Variants in BRIP1 observed in about 807,000 individuals in gnomAD.
BRIP1 encodes Fanconi anemia group J protein.
A neutral mutation model predicts 119.7 loss-of-function variants in BRIP1; 88 were observed. That is an observed-to-expected ratio of 0.74 (90% confidence interval 0.62 to 0.88). The LOEUF is 0.88. Among genes scored for constraint, BRIP1 ranks in the 40% least tolerant of loss-of-function variants. BRIP1 has a pLI of 0.00. For missense variants in BRIP1, 1,259 were observed against 1,455.4 expected (o/e 0.87, Z 2.20); for synonymous variants, 443 against 496.5 (o/e 0.89, Z 1.43).
rs987248736 is a variant in BRIP1 at position 61,828,252 on chromosome 17, T to C, written c.627+18849A>G. 4.6e-5 allele frequency among the ~76,000 whole-genome samples: 7 copies of C among 152,198 alleles called. No homozygotes were observed. The highest frequency in any genetic ancestry group is 1.0e-4 in the Non-Finnish European group (7 of 68,040). On this transcript the variant is annotated intron_variant, in intron 6 of 19. Coordinates refer to ENST00000259008, the MANE Select transcript of BRIP1 (RefSeq NM_032043.3). The surrounding 1 kb of genome is among the most constrained non-coding windows in gnomAD (Gnocchi z 4.1). ...AAAGAAATAAAATTCTGACACATAC[T>C]ACATGGTGGATGACCTTGAAAACAT... is the stretch of plus-strand genomic sequence containing the variant.
At chr17:61,779,859 A>G (rs2077587549) in intron 13 of BRIP1, among the ~76,000 whole-genome samples, 1 of 151,704 alleles carries the variant, frequency 6.6e-6, no homozygotes, top group Non-Finnish European at 1.5e-5. Flanking sequence ...GAGAGGCTGA[A>G]GCAGGAGAAT....
rs2077417879 is a variant in BRIP1 at position 61,769,510 on chromosome 17, AC to A, written c.2097+6890del. ...GTACTATGTGAGAATTGACAACGGT[AC>A]TGACAAAAGATTATAATAATGTGCT... On this transcript the variant is annotated intron_variant, in intron 14 of 19. Coordinates refer to ENST00000259008, the MANE Select transcript of BRIP1 (RefSeq NM_032043.3). The surrounding 1 kb of genome is among the most constrained non-coding windows in gnomAD (Gnocchi z 4.9). 6.6e-6 allele frequency among the ~76,000 whole-genome samples: 1 copy of A among 152,186 alleles called. No individual in the cohort carries two copies. The highest frequency in any genetic ancestry group is 1.5e-5 in the Non-Finnish European group (1 of 68,032).
In BRIP1 at chr17:61,745,325, A is replaced by G. The variant is rs989625314; in HGVS notation, c.2098-734T>C. Among the ~76,000 whole-genome samples the G allele has an allele frequency of 6.6e-6, 1 of 152,220 alleles. No individual in the cohort carries two copies. Among genetic ancestry groups the G allele is most frequent in the East Asian group, 1.9e-4 (1 of 5,202 alleles). ...ATGGTAGATTAAAAGTCAATAATAT[A>G]AAGTCATGGTAGATTAAAAGTCAAG... On this transcript the variant is annotated intron_variant, in intron 14 of 19. Coordinates refer to ENST00000259008, the MANE Select transcript of BRIP1 (RefSeq NM_032043.3). This position sits in a 1 kb window ranked among gnomAD's most constrained non-coding sequence, Gnocchi z 4.4.
chr17:61,763,154 T>C (rs1456164746), intron 14 of BRIP1, among the ~76,000 whole-genome samples: 3 of 152,176 alleles, frequency 2.0e-5, no homozygotes, highest in Admixed American at 2.0e-4. Flanking sequence ...ATAAGTGTAA[T>C]AGTGTATTTG....
At chr17:61,850,819 T>A (rs2078809862) in intron 4 of BRIP1, among the ~76,000 whole-genome samples, 1 of 150,682 alleles carries the variant, frequency 6.6e-6, no homozygotes, top group Non-Finnish European at 1.5e-5. Context: ...AGAACAAGAC[T>A]CTATGTCTCC....
rs876658510 is a variant in BRIP1, at chr17:61,780,841, A to G, written c.1793T>C (p.Val598Ala). The G allele has an allele frequency of 6.2e-7, 1 of 1,614,008 alleles. No homozygotes were observed. The highest frequency in any genetic ancestry group is 8.5e-7 in the Non-Finnish European group (1 of 1,179,842). Reference protein sequence around the residue: ...VLNFWCLNPAVAFSDINGKVQ... With the variant: ...VLNFWCLNPAAAFSDINGKVQ... ...TTTCCATTTACATGATGAGCTTACC[A>G]CAGCTGGATTTAAGCACCAAAAGTT... Residue 598 changes from valine (V) to alanine (A), a missense_variant and splice_region_variant, in exon 12 of 20, where the codon GTG becomes GCG. Physicochemically the swap from Val to Ala is moderately conservative, Grantham distance 64. This residue lies in a region of BRIP1 where 753 missense variants were observed against 891.8 expected (regional missense o/e 0.84). Coordinates refer to ENST00000259008, the MANE Select transcript of BRIP1 (RefSeq NM_032043.3). The surrounding 1 kb of genome is among the most constrained non-coding windows in gnomAD (Gnocchi z 5.4).
rs148525255 is a variant in BRIP1, at chr17:61,776,297, C to T, written c.2097+104G>A. On this transcript the variant is annotated intron_variant, in intron 14 of 19. Coordinates refer to ENST00000259008, the MANE Select transcript of BRIP1 (RefSeq NM_032043.3). The surrounding 1 kb of genome is among the most constrained non-coding windows in gnomAD (Gnocchi z 5.0). ...AAAACTATAGTTATTACCTTGTTGC[C>T]TCTACCCTAGGAAGCTTACTGTGGT... 8.1e-4 allele frequency: 1,049 copies of T among 1,301,780 alleles called. 4 individuals are homozygous for T. The Middle Eastern group carries it at 0.012, about 15-fold the overall frequency. The allele number at this position is 1,301,780 out of a possible 1,614,324, so 80.6% of individuals were successfully genotyped here.
At position 61,804,440 on chromosome 17, in the gene BRIP1, GTGTGTGTA is replaced by G. The variant is rs1225986041; in HGVS notation, c.919-2974_919-2967del. Among the ~76,000 whole-genome samples the G allele has an allele frequency of 7.9e-6, 1 of 127,198 alleles. No individual in the cohort carries two copies. The highest frequency in any genetic ancestry group is 3.3e-5 in the African/African-American group (1 of 30,132). 83.4% of individuals were successfully genotyped at this position (127,198 alleles called of 152,430 possible). On this transcript the variant is annotated intron_variant, in intron 7 of 19. Coordinates refer to ENST00000259008, the MANE Select transcript of BRIP1 (RefSeq NM_032043.3). This position sits in a 1 kb window ranked among gnomAD's most constrained non-coding sequence, Gnocchi z 4.5. ...TGTGTGTGTGTGTGTGTGTGTGTGT[GTGTGTGTA>G]TGTGTGTGTACATACACATACATAT...
At chr17:61,855,270 C>T (rs1381756395) in intron 4 of BRIP1, among the ~76,000 whole-genome samples, 2 of 152,080 alleles carry the variant, frequency 1.3e-5, no homozygotes, top group African/African-American at 4.8e-5. Flanking sequence ...GTACATATGT[C>T]AAAATGTATC....
intron 16 of BRIP1, among the ~76,000 whole-genome samples, chr17:61,737,070 A>T: frequency 6.6e-6 from 1 of 152,292 alleles, no homozygotes; most frequent in Middle Eastern, 3.4e-3. Flanking sequence ...AATACTAAAA[A>T]CCAAAAAATA....
Position 61,683,957 on chromosome 17 carries a change from G to C in BRIP1, c.3089C>G (p.Ala1030Gly), listed in dbSNP as rs767255426. The part of the protein sequence containing the change: ...TPELGSSENS[A>G]SSPPRFKTEK... ...TGTTTTGAAACGGGGAGGACTAGAG[G>C]CACTATTCTCTGATGACCCGAGCTC... The change falls in exon 20 of 20, where the codon GCC becomes GGC. Residue 1030 changes from alanine (A) to glycine (G), a missense_variant. This residue lies in a region of BRIP1 where 753 missense variants were observed against 891.8 expected (regional missense o/e 0.84). Transcript: ENST00000259008. The surrounding 1 kb of genome is among the most constrained non-coding windows in gnomAD (Gnocchi z 4.7). 6.2e-7 allele frequency: 1 copy of C among 1,614,102 alleles called. No individual in the cohort carries two copies. Among genetic ancestry groups the C allele is most frequent in the East Asian group, 2.2e-5 (1 of 44,878 alleles).
chr17:61,731,927 G>A (rs988788734), intron 16 of BRIP1, among the ~76,000 whole-genome samples: 3 of 145,504 alleles, frequency 2.1e-5, no homozygotes, highest in African/African-American at 7.6e-5. Context: ...AAAAAAAAAG[G>A]TTGCTTTATT....
At position 61,787,913 on chromosome 17, in the gene BRIP1, G is replaced by A. The variant is rs371593181; in HGVS notation, c.1474-3489C>T. Among the ~76,000 whole-genome samples, 11 of 152,238 alleles carry A rather than the reference G, an allele frequency of 7.2e-5. No individual in the cohort carries two copies. In the South Asian group the frequency reaches 1.0e-3, roughly 14 times the overall value. ...CCCGCCTCGGCCTCCCAAAGTGCTG[G>A]GATTACAGGCGTGAGCCACTGCGCC... On this transcript the variant is annotated intron_variant, in intron 10 of 19. Transcript: ENST00000259008.
At chr17:61,727,130 A>G (rs768019060) in intron 16 of BRIP1, among the ~76,000 whole-genome samples, 74 of 152,224 alleles carry the variant, frequency 4.9e-4, no homozygotes, top group Non-Finnish European at 8.8e-4. Flanking sequence ...TCTACCTTAT[A>G]TAACACTGGA....
rs1305838969 is a variant in BRIP1, at chr17:61,710,556, G to A, written c.2492+5395C>T. Among the ~76,000 whole-genome samples the A allele has an allele frequency of 3.3e-5, 5 of 152,144 alleles. No individual in the cohort carries two copies. Among genetic ancestry groups the A allele is most frequent in the East Asian group, 1.9e-4 (1 of 5,196 alleles). Reference sequence around the variant, plus strand: ...GTTTTGATTGCTAAATTTGCCAAACGAATTGTATGATAACTTATAAGCCAA... The same window carrying A: ...GTTTTGATTGCTAAATTTGCCAAACAAATTGTATGATAACTTATAAGCCAA... On this transcript the variant is annotated intron_variant, in intron 17 of 19. Coordinates refer to ENST00000259008, the MANE Select transcript of BRIP1 (RefSeq NM_032043.3). The surrounding 1 kb of genome is among the most constrained non-coding windows in gnomAD (Gnocchi z 5.4).
chr17:61,848,716 T>C lies in BRIP1; in HGVS notation c.507+413A>G, dbSNP rs1360847771. ...ATCTTAAAAACTCAGTAAGAATACA[T>C]CTTGTCATTACATTAAAACTATCAA... On this transcript the variant is annotated intron_variant, in intron 5 of 19. Transcript: ENST00000259008. This position sits in a 1 kb window ranked among gnomAD's most constrained non-coding sequence, Gnocchi z 4.3. Among the ~76,000 whole-genome samples the C allele has an allele frequency of 6.6e-6, 1 of 152,192 alleles. No individual in the cohort carries two copies. The highest frequency in any genetic ancestry group is 1.9e-4 in the East Asian group (1 of 5,202).
In BRIP1 at chr17:61,709,329, T is replaced by G. The variant is rs1050285684; in HGVS notation, c.2492+6622A>C. On this transcript the variant is annotated intron_variant, in intron 17 of 19. Coordinates refer to ENST00000259008, the MANE Select transcript of BRIP1 (RefSeq NM_032043.3). This position sits in a 1 kb window ranked among gnomAD's most constrained non-coding sequence, Gnocchi z 5.0. ...TCTTTGTAATATTGTAGGTTTGACA[T>G]TTTCATTTCTTTATTATCATAGGAT... 3.3e-5 allele frequency among the ~76,000 whole-genome samples: 5 copies of G among 150,494 alleles called. No individual in the cohort carries two copies. Among genetic ancestry groups the G allele is most frequent in the Admixed American group, 1.3e-4 (2 of 15,004 alleles).
rs2077604250 is a variant in BRIP1, at chr17:61,780,737, C to A, written c.1794+103G>T. 7.2e-7 allele frequency: 1 copy of A among 1,388,654 alleles called. No homozygotes were observed. Among genetic ancestry groups the A allele is most frequent in the Non-Finnish European group, 1.0e-6 (1 of 981,276 alleles). The allele number at this position is 1,388,654 out of a possible 1,614,324, so 86.0% of individuals were successfully genotyped here. ...GCAAGACCCTGCCTCAAAACAACAACAACAACAACAACAAACAACTATCTT... is the reference window on the plus strand; with the variant it reads ...GCAAGACCCTGCCTCAAAACAACAAAAACAACAACAACAAACAACTATCTT... On this transcript the variant is annotated intron_variant, in intron 12 of 19. Coordinates refer to ENST00000259008, the MANE Select transcript of BRIP1 (RefSeq NM_032043.3). This position sits in a 1 kb window ranked among gnomAD's most constrained non-coding sequence, Gnocchi z 5.4.
At chr17:61,772,815 T>C (rs1210253726) in intron 14 of BRIP1, among the ~76,000 whole-genome samples, 2 of 86,448 alleles carry the variant, frequency 2.3e-5, no homozygotes, top group Non-Finnish European at 4.6e-5. Context: ...TAAAATTCCA[T>C]CTCAGAAAAA....
Sources: allele counts gnomAD v4.1 joint callset (sites outside exome capture counted in the v4.1 genomes callset), GRCh38; gene constraint gnomAD v4.1.1; regional missense constraint gnomAD v4.1.1; non-coding constraint Gnocchi (gnomAD v3.1); transcripts MANE v1.5; gene names NCBI Gene and HGNC (gene_info 2026-07-23, HGNC 2026-07-21).